Variants in DLAT observed in about 807,000 individuals in gnomAD.
DLAT encodes dihydrolipoamide S-acetyltransferase.
In DLAT, 43 loss-of-function variants were observed where a neutral mutation model predicts 68.0. The ratio of observed to expected loss-of-function variants is 0.63; its 90% CI spans 0.50 to 0.81. The LOEUF is 0.81. DLAT is among the 40% of genes least tolerant of loss of function. DLAT has a pLI of 0.00. For missense variants in DLAT, 745 were observed against 815.4 expected (o/e 0.91, Z 1.05); for synonymous variants, 265 against 288.6 (o/e 0.92, Z 0.83).
intron 10 of DLAT, among the ~76,000 whole-genome samples, chr11:112,050,823 A>G (rs2137818200): frequency 6.6e-6 from 1 of 152,372 alleles, no homozygotes; most frequent in African/African-American, 2.4e-5. Context: ...AAATGATGAC[A>G]TAACATACTG....
intron 4 of DLAT, among the ~76,000 whole-genome samples, chr11:112,031,899 T>G (rs1305113543): frequency 2.4e-5 from 3 of 126,456 alleles, no homozygotes; most frequent in East Asian, 2.3e-4. Context: ...TTTTTTTTTT[T>G]TTTTTTTTTT....
In DLAT at chr11:112,051,275, C is replaced by T; in HGVS notation, c.1440C>T (p.Ile480=). Residue 480 remains isoleucine (I), a synonymous_variant, in exon 11 of 14, where the codon ATC becomes ATT. Coordinates refer to ENST00000280346, the MANE Select transcript of DLAT (RefSeq NM_001931.5). The surrounding 1 kb of genome is among the most constrained non-coding windows in gnomAD (Gnocchi z 4.3). The stretch of plus-strand genomic sequence containing the variant: ...GCAAAATTTCTGTCAATGACTTCAT[C>T]ATAAAAGCTTCAGCTTTGGCATGTT... The part of the protein sequence containing the change: ...GRSKISVNDF[I]IKASALACLK... The T allele has an allele frequency of 1.2e-6, 2 of 1,613,302 alleles. No individual in the cohort carries two copies. Among genetic ancestry groups the T allele is most frequent in the South Asian group, 1.1e-5 (1 of 91,044 alleles).
chr11:112,057,933 G>A (rs80136934), intron 11 of DLAT, among the ~76,000 whole-genome samples: 1,633 of 152,214 alleles, frequency 0.011, 25 homozygotes, highest in African/African-American at 0.037. Context: ...TGTTAGTCAC[G>A]ATGCTATTGC....
chr11:112,055,992 C>T (rs1437575389), intron 11 of DLAT, among the ~76,000 whole-genome samples: 3 of 149,966 alleles, frequency 2.0e-5, no homozygotes, highest in South Asian at 2.1e-4. Flanking sequence ...CTCAGCCTCC[C>T]GAGTAGCTGG....
Position 112,063,318 on chromosome 11 carries a change from G to A in DLAT, c.*783G>A, listed in dbSNP as rs1864750725. 6.6e-6 allele frequency: 1 copy of A among 152,236 alleles called. No homozygotes were observed. The highest frequency in any genetic ancestry group is 2.1e-4 in the South Asian group (1 of 4,832). The allele number at this position is 152,236 out of a possible 1,614,324, so 9.4% of individuals were successfully genotyped here. A position where few individuals can be genotyped will look rare whatever the true frequency, so the allele number is the denominator to read the frequency against. On this transcript the variant is annotated 3_prime_UTR_variant, in exon 14 of 14. Transcript: ENST00000280346. The stretch of plus-strand genomic sequence containing the variant: ...ACATTGTTAATATAATTTAACAGAA[G>A]TTGTGAAACTAAAATTTTCTAAGAT...
Position 112,037,257 on chromosome 11 carries a change from T to C in DLAT, c.788-16T>C. The C allele has an allele frequency of 6.2e-7, 1 of 1,612,542 alleles. No individual in the cohort carries two copies. The highest frequency in any genetic ancestry group is 1.3e-5 in the African/African-American group (1 of 75,014). ...GAATCTCTTAAGTCCCATAATGTTT[T>C]TTCTTTCTATTTAAGGTTTTGAAGT... On this transcript the variant is annotated splice_polypyrimidine_tract_variant and intron_variant, in intron 5 of 13. Transcript: ENST00000280346.
chr11:112,034,772 G>A (rs1862605480), intron 5 of DLAT, among the ~76,000 whole-genome samples: 1 of 149,958 alleles, frequency 6.7e-6, no homozygotes, highest in African/African-American at 2.5e-5. Context: ...CTGCACCCCC[G>A]CTTTTTCTTT....
At chr11:112,039,818 CAG>C (rs1862960499) in intron 7 of DLAT, among the ~76,000 whole-genome samples, 1 of 152,062 alleles carries the variant, frequency 6.6e-6, no homozygotes, top group Admixed American at 6.6e-5. Context: ...TCATATAAAA[CAG>C]AACTAGAGCT....
chr11:112,031,629 C>T (rs1862399737), intron 4 of DLAT, among the ~76,000 whole-genome samples: 1 of 151,948 alleles, frequency 6.6e-6, no homozygotes, highest in African/African-American at 2.4e-5. Context: ...GGCTGGAGTG[C>T]AGTGGTGCAA....
chr11:112,043,017 G>T (rs1480434904), intron 7 of DLAT, among the ~76,000 whole-genome samples: 1 of 152,198 alleles, frequency 6.6e-6, no homozygotes, highest in Non-Finnish European at 1.5e-5. Flanking sequence ...CATAAATCCA[G>T]AACCCAAATG....
chr11:112,046,015 G>T (rs782479330), intron 10 of DLAT, 45 bp downstream of exon 10: 1 of 1,165,268 alleles, frequency 8.6e-7, no homozygotes, highest in South Asian at 1.3e-5. Context: ...TAAAAATTTT[G>T]TCTTTCCCCA....
In DLAT at chr11:112,045,118, C is replaced by T. The variant is rs1281574403; in HGVS notation, c.1198-20C>T. On this transcript the variant is annotated intron_variant, in intron 8 of 13. Coordinates refer to ENST00000280346, the MANE Select transcript of DLAT (RefSeq NM_001931.5). Reference sequence around the variant, plus strand: ...AAGATTGAATCACAGTTACTAAGAGCTTTTTCTTTCCTCCCATAGGCTCCG... The same window carrying T: ...AAGATTGAATCACAGTTACTAAGAGTTTTTTCTTTCCTCCCATAGGCTCCG... The T allele has an allele frequency of 1.2e-6, 2 of 1,603,016 alleles. No homozygotes were observed. Among genetic ancestry groups the T allele is most frequent in the Admixed American group, 3.3e-5 (2 of 59,940 alleles).
At chr11:112,061,253 T>C in intron 13 of DLAT, 79 bp downstream of exon 13, 2 of 1,522,476 alleles carry the variant, frequency 1.3e-6, no homozygotes, top group Non-Finnish European at 1.8e-6. Flanking sequence ...CCTCAGGGGA[T>C]TGGCTCCAGG....
intron 10 of DLAT, among the ~76,000 whole-genome samples, chr11:112,050,503 T>G (rs1863556611): frequency 6.6e-6 from 1 of 152,212 alleles, no homozygotes; most frequent in African/African-American, 2.4e-5. Context: ...CATTTGGGTC[T>G]AAGCTTTTCT....
intron 5 of DLAT, among the ~76,000 whole-genome samples, chr11:112,035,450 A>G (rs1862652348): frequency 6.6e-6 from 1 of 152,006 alleles, no homozygotes; most frequent in African/African-American, 2.4e-5. Context: ...TTGAACTTTG[A>G]AGTCTATTGT....
chr11:112,045,037 A>G (rs1227859920), intron 8 of DLAT, 101 bp from the exon 9 acceptor site: 2 of 753,156 alleles, frequency 2.7e-6, no homozygotes, highest in South Asian at 1.4e-5. Flanking sequence ...TCTGTCTCAA[A>G]AGACAAAAAA....
rs782701797 is a variant in DLAT, at chr11:112,039,237, T to G, written c.976-7T>G. ...AATTAAAACAATTTGTAATTTTTTTTCAAAAGGTGGCCGCTGTTCCTCCAA... is the reference window on the plus strand; with the variant it reads ...AATTAAAACAATTTGTAATTTTTTTGCAAAAGGTGGCCGCTGTTCCTCCAA... On this transcript the variant is annotated splice_polypyrimidine_tract_variant and splice_region_variant and intron_variant, in intron 6 of 13. Transcript: ENST00000280346. 1.2e-6 allele frequency: 2 copies of G among 1,614,026 alleles called. No homozygotes were observed. The highest frequency in any genetic ancestry group is 2.7e-5 in the African/African-American group (2 of 75,062).
intron 2 of DLAT, among the ~76,000 whole-genome samples, chr11:112,027,206 T>C (rs1227708896): frequency 8.0e-6 from 1 of 125,076 alleles, no homozygotes. Context: ...AGGCGGAGGG[T>C]CTCTTCACTT....
intron 7 of DLAT, among the ~76,000 whole-genome samples, chr11:112,041,172 C>G (rs1035297718): frequency 6.6e-6 from 1 of 152,182 alleles, no homozygotes; most frequent in African/African-American, 2.4e-5. Context: ...TTTATACTAG[C>G]TGTGTGACCT....
Sources: gnomAD v4.1 joint callset for allele counts (sites outside exome capture counted in the v4.1 genomes callset) on GRCh38, gnomAD v4.1.1 for gene constraint, Gnocchi (gnomAD v3.1) non-coding constraint, MANE v1.5 for transcripts, NCBI Gene and HGNC (gene_info 2026-07-23, HGNC 2026-07-21) for gene names.